The following USH2A variants were observed in gnomAD, a reference collection of about 807,000 sequenced individuals.
The protein encoded by USH2A is usherin, also known as Usher syndrome 2A (autosomal recessive, mild).
In USH2A, 443 loss-of-function variants were observed where a neutral mutation model predicts 538.9. The observed-to-expected ratio is 0.82, with a 90% CI of 0.76 to 0.89. The LOEUF (loss-of-function observed/expected upper bound fraction) is 0.89. USH2A is among the 40% of genes least tolerant of loss of function. The probability of loss-of-function intolerance (pLI) is 0.00; values close to 1 mark genes in which losing one functional copy is unlikely to be tolerated. For synonymous variants in USH2A, 2,413 were observed against 2,273.5 expected (o/e 1.06, Z -1.75); for missense variants, 6,633 against 6,324.8 (o/e 1.05, Z -1.65).
intron 27 of USH2A, 143 bp from the exon 28 acceptor site, chr1:216,073,443 C>G (rs2031634343): frequency 4.9e-6 from 4 of 812,312 alleles, no homozygotes; most frequent in Admixed American, 2.3e-5. Flanking sequence ...CTTGGAAAAC[C>G]TTTTATGCCT....
intron 3 of USH2A, among the ~76,000 whole-genome samples, chr1:216,400,026 C>T (rs900543781): frequency 1.3e-5 from 2 of 152,036 alleles, no homozygotes; most frequent in Non-Finnish European, 2.9e-5. Context: ...ACTTGTCATA[C>T]TAAGAACCAT....
chr1:216,221,421 C>A (rs981683630), intron 14 of USH2A, among the ~76,000 whole-genome samples: 1 of 152,148 alleles, frequency 6.6e-6, no homozygotes, highest in African/African-American at 2.4e-5. Flanking sequence ...GCTTTAGTTA[C>A]AGACTACTAA....
intron 48 of USH2A, among the ~76,000 whole-genome samples, chr1:215,814,834 A>G (rs1662813465): frequency 6.6e-6 from 1 of 152,102 alleles, no homozygotes; most frequent in African/African-American, 2.4e-5. Context: ...AGAAATGCAA[A>G]TTTTCACAGC....
Position 215,674,753 on chromosome 1 carries a change from A to T in USH2A, c.13158T>A (p.Ile4386=). 6.2e-7 allele frequency: 1 copy of T among 1,614,156 alleles called. No individual in the cohort carries two copies. The highest frequency in any genetic ancestry group is 8.5e-7 in the Non-Finnish European group (1 of 1,180,036). Reference sequence around the variant, plus strand: ...TATCATATCTAACTAAATATTTAGTAATCTTTCCATTTTGCACTGTGGGCG... The same window carrying T: ...TATCATATCTAACTAAATATTTAGTTATCTTTCCATTTTGCACTGTGGGCG... The part of the protein sequence containing the change: ...WSPPTVQNGK[I]TKYLVRYDNK... Residue 4386 remains isoleucine, a synonymous_variant, in exon 63 of 72, where the codon ATT becomes ATA. Coordinates refer to ENST00000307340, the MANE Select transcript of USH2A (RefSeq NM_206933.4).
At chr1:216,397,173 C>A (rs753348921) in intron 3 of USH2A, among the ~76,000 whole-genome samples, 3 of 152,184 alleles carry the variant, frequency 2.0e-5, no homozygotes, top group Non-Finnish European at 4.4e-5. Context: ...AGTAGAGGAA[C>A]AATTTCAAAC....
intron 61 of USH2A, among the ~76,000 whole-genome samples, chr1:215,682,232 A>C (rs1198808965): frequency 2.0e-5 from 3 of 152,270 alleles, no homozygotes; most frequent in Non-Finnish European, 4.4e-5. Context: ...GCTCCAAAGC[A>C]AATAGTAATC....
Position 215,675,492 on chromosome 1 carries a change from C to G in USH2A, c.12419G>C (p.Cys4140Ser), listed in dbSNP as rs1064797131. ...CAGAGGCTGAGGCGCCGAGTGTGCA[C>G]AACCTGCTCTGGTGCAGGCCTCCAG... ...LTLEACTRAG[C>S]AHSAPQPLWT... The change falls in exon 63 of 72, where the codon TGT becomes TCT. Residue 4140 changes from cysteine to serine, a missense_variant. Physicochemically the swap from Cys to Ser is moderately radical, Grantham distance 112. Coordinates refer to ENST00000307340, the MANE Select transcript of USH2A (RefSeq NM_206933.4). 4 of 1,614,100 alleles carry G rather than the reference C, an allele frequency of 2.5e-6. No individual in the cohort carries two copies. The highest frequency in any genetic ancestry group is 3.4e-6 in the Non-Finnish European group (4 of 1,180,012).
At chr1:216,254,025 A>T (rs1439050131) in intron 11 of USH2A, among the ~76,000 whole-genome samples, 1 of 152,106 alleles carries the variant, frequency 6.6e-6, no homozygotes. Flanking sequence ...AGTGTATAAT[A>T]TTGCCTTGAT....
At chr1:215,742,739 G>C (rs74189911) in intron 59 of USH2A, among the ~76,000 whole-genome samples, 5,272 of 152,252 alleles carry the variant, frequency 0.035, 444 homozygotes, top group East Asian at 0.27. Flanking sequence ...GTTCAAGGAA[G>C]CACTATAAAA....
At chr1:216,050,555 T>C (rs1489115174) in intron 30 of USH2A, among the ~76,000 whole-genome samples, 1 of 114,596 alleles carries the variant, frequency 8.7e-6, no homozygotes, top group African/African-American at 2.8e-5. Flanking sequence ...AGACAATTTG[T>C]ATCTTTTTCT....
intron 38 of USH2A, among the ~76,000 whole-genome samples, chr1:215,912,495 A>ATATATG (rs1558158017): frequency 2.7e-4 from 6 of 21,968 alleles, no homozygotes; most frequent in African/African-American, 7.6e-4. Context: ...ATATATGTGT[A>ATATATG]TATATATATA....
At chr1:215,999,132 A>G in intron 33 of USH2A, 74 bp from the exon 34 acceptor site, 1 of 1,268,510 alleles carries the variant, frequency 7.9e-7, no homozygotes, top group East Asian at 2.3e-5. Context: ...CAAAGGACAC[A>G]TTTGAACTTG....
At chr1:215,945,298 T>C (rs898844036) in intron 37 of USH2A, among the ~76,000 whole-genome samples, 2 of 152,152 alleles carry the variant, frequency 1.3e-5, no homozygotes, top group African/African-American at 4.8e-5. Flanking sequence ...CTTTCCAGCC[T>C]GGACAATTAT....
chr1:215,901,799 A>C (rs998698541), intron 38 of USH2A, among the ~76,000 whole-genome samples: 2 of 152,204 alleles, frequency 1.3e-5, no homozygotes, highest in African/African-American at 4.8e-5. Flanking sequence ...TGAGCCTGTC[A>C]TATCAGCTTG....
chr1:216,034,787 C>G (rs1669209317), intron 32 of USH2A, among the ~76,000 whole-genome samples: 1 of 152,146 alleles, frequency 6.6e-6, no homozygotes, highest in South Asian at 2.1e-4. Context: ...CTACAGTTTT[C>G]AGAGAGACAA....
chr1:216,381,144 A>T (rs2038915792), intron 3 of USH2A, among the ~76,000 whole-genome samples: 1 of 152,196 alleles, frequency 6.6e-6, no homozygotes, highest in South Asian at 2.1e-4. Context: ...TGTGGTGGTC[A>T]TTGAGATACG....
intron 11 of USH2A, among the ~76,000 whole-genome samples, 195 bp downstream of exon 11, chr1:216,289,085 A>G (rs2036945041): frequency 6.6e-6 from 1 of 152,168 alleles, no homozygotes; most frequent in East Asian, 1.9e-4. Flanking sequence ...TTTTATATGC[A>G]AAGGACCACC....
chr1:216,355,999 G>C (rs1324802513), intron 4 of USH2A, among the ~76,000 whole-genome samples: 3 of 152,042 alleles, frequency 2.0e-5, no homozygotes, highest in Admixed American at 2.0e-4. Context: ...AAAAGTATGT[G>C]TATAAAACAC....
intron 32 of USH2A, among the ~76,000 whole-genome samples, chr1:216,038,318 C>T (rs1470479498): frequency 6.6e-6 from 1 of 151,982 alleles, no homozygotes; most frequent in African/African-American, 2.4e-5. Flanking sequence ...TTACTGAATT[C>T]ATGTTGCCCT....
Sources: allele counts gnomAD v4.1 joint callset (sites outside exome capture counted in the v4.1 genomes callset), GRCh38; gene constraint gnomAD v4.1.1; transcripts MANE v1.5; gene names NCBI Gene and HGNC (gene_info 2026-07-23, HGNC 2026-07-21).